The following GRID1 variants were observed in gnomAD, a reference collection of about 807,000 sequenced individuals.
GRID1 encodes glutamate ionotropic receptor delta type subunit 1.
GRID1 carries 28 observed loss-of-function variants against 98.0 expected under a neutral mutation model. The observed-to-expected ratio is 0.29, with a 90% CI of 0.21 to 0.39. The LOEUF (loss-of-function observed/expected upper bound fraction) is 0.39, where lower values mean the gene tolerates loss of function less well. GRID1 is among the 10% of genes least tolerant of loss of function. GRID1 has a pLI of 1.00. For missense variants in GRID1, 1,111 were observed against 1,340.5 expected (o/e 0.83, Z 2.67); for synonymous variants, 553 against 538.5 (o/e 1.03, Z -0.37).
At chr10:86,331,544 A>G (rs1032549451) in intron 2 of GRID1, among the ~76,000 whole-genome samples, 3 of 152,202 alleles carry the variant, frequency 2.0e-5, no homozygotes, top group African/African-American at 7.2e-5. Context: ...ACAGTGCCAG[A>G]CATTCCACCA....
chr10:85,917,382 T>C (rs1199639924), intron 4 of GRID1, among the ~76,000 whole-genome samples: 1 of 152,132 alleles, frequency 6.6e-6, no homozygotes, highest in Non-Finnish European at 1.5e-5. Flanking sequence ...TAGTGAAAAT[T>C]CCCCCTTTAT....
intron 8 of GRID1, among the ~76,000 whole-genome samples, chr10:85,756,078 C>A (rs1016261504): frequency 6.6e-6 from 1 of 151,156 alleles, no homozygotes; most frequent in African/African-American, 2.5e-5. Context: ...CAATACCCCC[C>A]CTAGTGGGAG....
intron 4 of GRID1, among the ~76,000 whole-genome samples, chr10:86,105,131 C>A (rs1844362087): frequency 1.3e-5 from 2 of 152,204 alleles, no homozygotes; most frequent in South Asian, 4.1e-4. Context: ...CATCCTCTTT[C>A]CCAGGAAGTT....
intron 8 of GRID1, among the ~76,000 whole-genome samples, chr10:85,771,870 G>T (rs924830096): frequency 6.6e-6 from 1 of 152,032 alleles, no homozygotes; most frequent in Non-Finnish European, 1.5e-5. Context: ...CACAATAACA[G>T]TGGGAGACTT....
intron 4 of GRID1, among the ~76,000 whole-genome samples, chr10:86,103,550 T>C (rs112849071): frequency 6.6e-6 from 1 of 152,330 alleles, no homozygotes; most frequent in African/African-American, 2.4e-5. Flanking sequence ...CTGGAGCCCA[T>C]GTGGACAAGC....
chr10:85,723,740 G>C (rs187026350), intron 11 of GRID1, among the ~76,000 whole-genome samples: 1 of 152,130 alleles, frequency 6.6e-6, no homozygotes, highest in African/African-American at 2.4e-5. Flanking sequence ...TTTCTCCTTG[G>C]TCTCTAAAGT....
intron 8 of GRID1, among the ~76,000 whole-genome samples, chr10:85,822,481 C>A (rs1046242352): frequency 8.5e-5 from 13 of 152,112 alleles, no homozygotes; most frequent in Non-Finnish European, 1.3e-4. Context: ...ATCAAAACCA[C>A]AATGAGATAC....
At chr10:85,921,463 C>G (rs972178504) in intron 4 of GRID1, among the ~76,000 whole-genome samples, 1 of 152,222 alleles carries the variant, frequency 6.6e-6, no homozygotes. Flanking sequence ...ACACAGGACA[C>G]CAACAGGCCA....
intron 4 of GRID1, among the ~76,000 whole-genome samples, chr10:86,093,884 A>G (rs1242486536): frequency 2.6e-5 from 4 of 152,210 alleles, no homozygotes; most frequent in Non-Finnish European, 5.9e-5. Context: ...CCAGGAAAGG[A>G]CGTAACCAAA....
intron 8 of GRID1, among the ~76,000 whole-genome samples, chr10:85,753,432 CAG>C (rs1295345331): frequency 6.6e-6 from 1 of 152,138 alleles, no homozygotes; most frequent in East Asian, 1.9e-4. Context: ...CTTAAGGATT[CAG>C]AGAGTTTATT....
chr10:86,361,677 G>C (rs560055088), intron 2 of GRID1, among the ~76,000 whole-genome samples: 1 of 152,338 alleles, frequency 6.6e-6, no homozygotes, highest in African/African-American at 2.4e-5. Context: ...GGCTTGTACT[G>C]TGTTGTTTAC....
intron 8 of GRID1, among the ~76,000 whole-genome samples, chr10:85,755,032 AG>A (rs1389946749): frequency 6.6e-6 from 1 of 152,182 alleles, no homozygotes; most frequent in Non-Finnish European, 1.5e-5. Flanking sequence ...TGGAATATGA[AG>A]CAGCCCGATC....
chr10:85,936,518 TAA>T (rs58110757), intron 4 of GRID1, among the ~76,000 whole-genome samples: 2 of 145,912 alleles, frequency 1.4e-5, no homozygotes. Context: ...AGCACCAAAC[TAA>T]AAAAAAAAAA....
At chr10:85,611,339 C>A (rs1270801155) in intron 15 of GRID1, among the ~76,000 whole-genome samples, 1 of 152,164 alleles carries the variant, frequency 6.6e-6, no homozygotes, top group Admixed American at 6.5e-5. Context: ...ATCCAAAGGA[C>A]AAGCTCTCCC....
chr10:85,888,066 C>T (rs1170047751), intron 5 of GRID1, among the ~76,000 whole-genome samples: 1 of 152,186 alleles, frequency 6.6e-6, no homozygotes, highest in Non-Finnish European at 1.5e-5. Flanking sequence ...TCTTAGGTAC[C>T]CTTGACCCCT....
chr10:85,658,267 G>C (rs1840926113), intron 12 of GRID1, among the ~76,000 whole-genome samples: 3 of 152,114 alleles, frequency 2.0e-5, no homozygotes, highest in African/African-American at 7.2e-5. Context: ...CCTCTAGTGT[G>C]TCAGCTTCTC....
At chr10:85,969,265 A>G (rs1260542045) in intron 4 of GRID1, among the ~76,000 whole-genome samples, 1 of 152,166 alleles carries the variant, frequency 6.6e-6, no homozygotes, top group African/African-American at 2.4e-5. Context: ...ACAATATCTC[A>G]CTTTCCATAA....
At chr10:85,926,877 TA>T (rs1334131667) in intron 4 of GRID1, among the ~76,000 whole-genome samples, 1 of 152,164 alleles carries the variant, frequency 6.6e-6, no homozygotes, top group Non-Finnish European at 1.5e-5. Context: ...AAATTAGCCA[TA>T]AAGATTTCTT....
At chr10:85,673,729 A>G (rs762223130) in intron 12 of GRID1, among the ~76,000 whole-genome samples, 16 of 152,268 alleles carry the variant, frequency 1.1e-4, no homozygotes, top group Non-Finnish European at 1.9e-4. Flanking sequence ...TAACTTTTAT[A>G]TGCACTGGAA....
Sources: gnomAD v4.1 joint callset for allele counts (sites outside exome capture counted in the v4.1 genomes callset) on GRCh38, gnomAD v4.1.1 for gene constraint, MANE v1.5 for transcripts, NCBI Gene and HGNC (gene_info 2026-07-23, HGNC 2026-07-21) for gene names.